AGL: variants seen among roughly 807,000 people sequenced by gnomAD.
AGL encodes glycogen debranching enzyme.
AGL carries 128 observed loss-of-function variants against 199.3 expected under a neutral mutation model. That is an observed-to-expected ratio of 0.64 (90% CI 0.56 to 0.74). The LOEUF is 0.74. Among genes scored for constraint, AGL ranks in the 30% least tolerant of loss-of-function variants. AGL has a pLI of 0.00. For synonymous variants in AGL, 584 were observed against 594.7 expected, an observed-to-expected ratio of 0.98 and a Z score of 0.26; for missense variants, 1,809 against 1,820.8, an observed-to-expected ratio of 0.99 and a Z score of 0.12.
At chr1:99,877,872 GTTCC>G in intron 12 of AGL, 44 bp downstream of exon 12, 2 of 1,585,506 alleles carry the variant, frequency 1.3e-6, no homozygotes, top group Non-Finnish European at 1.7e-6. Context: ...GAAATTCAGT[GTTCC>G]TTCCTAGCTT....
At position 99,870,879 on chromosome 1, in the gene AGL, A is replaced by G. The variant is rs1650937201; in HGVS notation, c.958+10A>G. On this transcript the variant is annotated intron_variant, in intron 7 of 33. Coordinates refer to ENST00000361915, the MANE Select transcript of AGL (RefSeq NM_000642.3). The stretch of plus-strand genomic sequence containing the variant: ...AGACTTCTTACACAAGGTAAAGGAT[A>G]CATACTAGAATGTTCCTATCGATTT... 13 of 1,463,376 alleles carry G rather than the reference A, an allele frequency of 8.9e-6. No individual in the cohort carries two copies. The highest frequency in any genetic ancestry group is 1.2e-5 in the Non-Finnish European group (13 of 1,043,902). 90.6% of individuals were successfully genotyped at this position (1,463,376 alleles called of 1,614,324 possible).
chr1:99,891,800 C>A (rs1652920918), intron 23 of AGL, 61 bp downstream of exon 23: 3 of 1,592,788 alleles, frequency 1.9e-6, no homozygotes, highest in Non-Finnish European at 2.6e-6. Context: ...TACAGAGTCA[C>A]TTCATACATG....
rs377509436 is a variant in AGL at position 99,884,076 on chromosome 1, G to T, written c.2309-44G>T. The T allele has an allele frequency of 7.8e-6, 12 of 1,538,682 alleles. No individual in the cohort carries two copies. The African/African-American group carries it at 1.6e-4, about 21-fold the overall frequency. ...CACTTTAGCCTTCCTAATTTTGGAT[G>T]ATTCCATATGAAATTTTGTTAAAAT... On this transcript the variant is annotated intron_variant, in intron 17 of 33. Transcript: ENST00000361915.
chr1:99,878,213 T>C (rs946280498), intron 12 of AGL, among the ~76,000 whole-genome samples: 2 of 152,030 alleles, frequency 1.3e-5, no homozygotes, highest in African/African-American at 2.4e-5. Context: ...ATTATAGTGG[T>C]GTGTGCCTAT....
At chr1:99,856,936 T>C (rs1649530784) in intron 2 of AGL, among the ~76,000 whole-genome samples, 1 of 152,242 alleles carries the variant, frequency 6.6e-6, no homozygotes, top group African/African-American at 2.4e-5. Flanking sequence ...TCATGGCCCG[T>C]TCTCAATGAG....
chr1:99,865,997 G>A (rs1297221277), intron 5 of AGL, among the ~76,000 whole-genome samples: 1 of 152,158 alleles, frequency 6.6e-6, no homozygotes, highest in African/African-American at 2.4e-5. Flanking sequence ...GCCAGGTGCT[G>A]TGGCTTGCAC....
At chr1:99,877,025 C>T (rs554349985) in intron 11 of AGL, among the ~76,000 whole-genome samples, 2 of 152,244 alleles carry the variant, frequency 1.3e-5, no homozygotes, top group African/African-American at 2.4e-5. Flanking sequence ...GGTTTTAGGT[C>T]CCCCCTCACT....
Position 99,900,664 on chromosome 1 carries a change from C to G in AGL, c.3391C>G (p.Leu1131Val). The change falls in exon 26 of 34, where the codon CTG becomes GTG. Residue 1131 changes from leucine to valine, a missense_variant. By Grantham distance (32) the Leu-to-Val change is conservative. Coordinates refer to ENST00000361915, the MANE Select transcript of AGL (RefSeq NM_000642.3). ...TATTATTTTAGCATTTGCGGGTACC[C>G]TGAGGCATGGTCTCATTCCTAATCT... ...RNIILAFAGT[L>V]RHGLIPNLLG... is the part of the protein sequence containing the mutation. 6.2e-7 allele frequency: 1 copy of G among 1,614,020 alleles called. No individual in the cohort carries two copies. Among genetic ancestry groups the G allele is most frequent in the Non-Finnish European group, 8.5e-7 (1 of 1,179,938 alleles).
Position 99,900,863 on chromosome 1 carries a change from T to C in AGL, c.3588+2T>C. 1 of 1,587,200 alleles carries C rather than the reference T, an allele frequency of 6.3e-7. No individual in the cohort carries two copies. ...GCTCCTTTGCCTGCTGGCACACTGG[T>C]AAAGATATTTCTTAAAATGTTTTTT... On this transcript the variant is annotated splice_donor_variant, in intron 26 of 33. Transcript: ENST00000361915. LOFTEE classifies it high-confidence loss of function.
intron 7 of AGL, among the ~76,000 whole-genome samples, chr1:99,874,220 G>C (rs1244779895): frequency 6.8e-6 from 1 of 147,896 alleles, no homozygotes; most frequent in Non-Finnish European, 1.5e-5. Flanking sequence ...GTAGCACCGG[G>C]GAGGAAAACG....
chr1:99,851,241 CTT>C, intron 2 of AGL, 117 bp downstream of exon 2: 1 of 948,340 alleles, frequency 1.1e-6, no homozygotes, highest in Non-Finnish European at 1.7e-6. Context: ...GGGTCTAAAA[CTT>C]GATTTGTGCA....
chr1:99,904,624 C>T (rs1314347959), intron 27 of AGL, among the ~76,000 whole-genome samples: 2 of 152,112 alleles, frequency 1.3e-5, no homozygotes, highest in African/African-American at 4.8e-5. Flanking sequence ...CACTCCACCC[C>T]CAACCCTGGT....
chr1:99,913,381 A>C (rs2100858425), intron 29 of AGL, 146 bp from the exon 30 acceptor site: 1 of 697,130 alleles, frequency 1.4e-6, no homozygotes, highest in Non-Finnish European at 2.5e-6. Flanking sequence ...AACACATCTC[A>C]ATTCAGACTG....
intron 13 of AGL, 33 bp downstream of exon 13, chr1:99,880,079 C>T: frequency 6.2e-7 from 1 of 1,612,500 alleles, no homozygotes; most frequent in Non-Finnish European, 8.5e-7. Flanking sequence ...CCCTCTAAAA[C>T]TTTAGCTTTT....
chr1:99,856,481 GTTTCTCGCAGA>G (rs1222377527), intron 2 of AGL, among the ~76,000 whole-genome samples: 3 of 148,112 alleles, frequency 2.0e-5, no homozygotes, highest in African/African-American at 7.9e-5. Context: ...ATTCTTGGGT[GTTTCTCGCAGA>G]GGGGGATTTG....
At chr1:99,871,958 T>A (rs1365751832) in intron 7 of AGL, among the ~76,000 whole-genome samples, 1 of 151,760 alleles carries the variant, frequency 6.6e-6, no homozygotes, top group Admixed American at 6.6e-5. Flanking sequence ...TATATAATTT[T>A]ATATAATTCT....
chr1:99,854,211 T>A (rs899146294), intron 2 of AGL, among the ~76,000 whole-genome samples: 53 of 151,822 alleles, frequency 3.5e-4, no homozygotes, highest in African/African-American at 1.3e-3. Context: ...AAATAAAAAA[T>A]AAAATAAAAT....
chr1:99,862,110 T>C, intron 3 of AGL, 147 bp from the exon 4 acceptor site: 1 of 864,172 alleles, frequency 1.2e-6, no homozygotes, highest in Non-Finnish European at 1.8e-6. Flanking sequence ...TTAAGTTTTG[T>C]TGCAACTTTT....
In AGL at chr1:99,915,453, T is replaced by G. The variant is rs1266790275; in HGVS notation, c.4226T>G (p.Leu1409Arg). 1.9e-6 allele frequency: 3 copies of G among 1,613,710 alleles called. No individual in the cohort carries two copies. The highest frequency in any genetic ancestry group is 2.7e-5 in the African/African-American group (2 of 74,916). ...KALEIAEKKL[L>R]GPLGMKTLDP... ...TTGGAGATTGCAGAAAAAAAATTGC[T>G]TGGTCCCCTTGGCATGAAAACTTTA... Residue 1409 changes from leucine (L) to arginine (R), a missense_variant, in exon 31 of 34, where the codon CTT (leucine) becomes CGT (arginine). Leu to Arg is a moderately radical substitution (Grantham distance 102, BLOSUM62 -2). Transcript: ENST00000361915.
Sources: allele counts gnomAD v4.1 joint callset (sites outside exome capture counted in the v4.1 genomes callset), GRCh38; gene constraint gnomAD v4.1.1; transcripts MANE v1.5; gene names NCBI Gene and HGNC (gene_info 2026-07-23, HGNC 2026-07-21).